The following MPPED2 variants were observed in gnomAD, a reference collection of about 807,000 sequenced individuals.
MPPED2 encodes the protein metallophosphoesterase domain containing 2.
A neutral mutation model predicts 33.0 loss-of-function variants in MPPED2; 5 were observed. The observed-to-expected ratio is 0.15, with a 90% confidence interval of 0.08 to 0.32. MPPED2 has a LOEUF of 0.32. Among genes scored for constraint, MPPED2 ranks in the 10% least tolerant of loss-of-function variants. The pLI, the probability that MPPED2 is intolerant of heterozygous loss-of-function variation, is 1.00. For missense variants in MPPED2, 275 were observed against 372.1 expected (o/e 0.74, Z 2.15); for synonymous variants, 136 against 141.9 (o/e 0.96, Z 0.29).
intron 3 of MPPED2, among the ~76,000 whole-genome samples, chr11:30,517,772 G>A (rs1011546396): frequency 6.6e-6 from 1 of 152,156 alleles, no homozygotes; most frequent in Non-Finnish European, 1.5e-5. Flanking sequence ...GAACTGCCAT[G>A]CCAAGCTTCT....
intron 4 of MPPED2, among the ~76,000 whole-genome samples, chr11:30,453,428 G>A (rs1239975170): frequency 6.6e-6 from 1 of 152,148 alleles, no homozygotes; most frequent in Non-Finnish European, 1.5e-5. Flanking sequence ...AATGAAGACG[G>A]AGACCACTTT....
At chr11:30,459,341 C>T (rs1195124003) in intron 4 of MPPED2, among the ~76,000 whole-genome samples, 2 of 152,178 alleles carry the variant, frequency 1.3e-5, no homozygotes, top group African/African-American at 4.8e-5. Flanking sequence ...AAATCCATTT[C>T]CTAAAGTGAG....
intron 4 of MPPED2, among the ~76,000 whole-genome samples, chr11:30,476,376 A>G (rs1030406937): frequency 6.6e-6 from 1 of 152,000 alleles, no homozygotes; most frequent in Non-Finnish European, 1.5e-5. Context: ...TAGAAGTTTT[A>G]TAGATTTCAT....
chr11:30,541,214 A>G (rs1189024434), intron 2 of MPPED2, among the ~76,000 whole-genome samples: 2 of 152,238 alleles, frequency 1.3e-5, no homozygotes, highest in Non-Finnish European at 2.9e-5. Context: ...ATCTCACTGC[A>G]TATTCAAACA....
chr11:30,395,230 C>T lies in MPPED2; in HGVS notation c.767-6274G>A, dbSNP rs911518226. Among the ~76,000 whole-genome samples the T allele has an allele frequency of 2.6e-5, 4 of 152,118 alleles. No individual in the cohort carries two copies. In the East Asian group the frequency reaches 5.8e-4, roughly 22 times the overall value. On this transcript the variant is annotated intron_variant, in intron 6 of 6. Transcript: ENST00000448418. ...GAGAAAAATGGGCTTTTATTGAGTA[C>T]TATGTGATAGCTAATGGACCATGGG...
chr11:30,460,056 A>G (rs899313102), intron 4 of MPPED2, among the ~76,000 whole-genome samples: 1 of 152,162 alleles, frequency 6.6e-6, no homozygotes, highest in African/African-American at 2.4e-5. Flanking sequence ...CACACGGGGC[A>G]TTTTGTACTT....
intron 4 of MPPED2, among the ~76,000 whole-genome samples, chr11:30,458,957 G>A (rs1175498880): frequency 1.8e-5 from 2 of 109,554 alleles, no homozygotes; most frequent in African/African-American, 7.2e-5. Context: ...ACGGAGTCTC[G>A]CTCTGTCGCC....
intron 6 of MPPED2, 80 bp downstream of exon 6, chr11:30,414,148 T>C (rs926034465): frequency 1.0e-6 from 1 of 963,282 alleles, no homozygotes; most frequent in Non-Finnish European, 1.7e-6. Context: ...TGAAAACAAC[T>C]ACTCCACTTA....
intron 2 of MPPED2, among the ~76,000 whole-genome samples, chr11:30,546,984 C>T (rs1361911586): frequency 6.6e-6 from 1 of 152,198 alleles, no homozygotes; most frequent in Non-Finnish European, 1.5e-5. Flanking sequence ...AACCAAAGAA[C>T]TCATGAAAGA....
intron 3 of MPPED2, among the ~76,000 whole-genome samples, chr11:30,512,894 G>A (rs1336513): frequency 0.023 from 3,570 of 152,120 alleles, 71 homozygotes; most frequent in Admixed American, 0.057. Flanking sequence ...GCAGCTACTC[G>A]GGAGGCTGAG....
intron 3 of MPPED2, among the ~76,000 whole-genome samples, chr11:30,532,117 A>G (rs1954559338): frequency 6.6e-6 from 1 of 152,236 alleles, no homozygotes; most frequent in African/African-American, 2.4e-5. Flanking sequence ...GAAATGACAC[A>G]TGTAATGCAG....
chr11:30,425,693 AGGTACCAG>A (rs1241498056), intron 4 of MPPED2: 1 of 152,214 alleles, frequency 6.6e-6, no homozygotes, highest in East Asian at 1.9e-4. Context: ...TCAAAGGACA[AGGTACCAG>A]GGTGCCTTCA....
At chr11:30,407,391 A>G (rs1178614280), downstream of MPPED2, among the ~76,000 whole-genome samples, 1 of 152,220 alleles carries the variant, frequency 6.6e-6, no homozygotes, top group African/African-American at 2.4e-5. Context: ...TGGAGATTAG[A>G]AGTGATTTTG....
chr11:30,427,898 T>C (rs531168877), intron 4 of MPPED2, among the ~76,000 whole-genome samples: 7 of 152,308 alleles, frequency 4.6e-5, no homozygotes, highest in Admixed American at 2.0e-4. Context: ...TGTAAAACTC[T>C]CCAGATGGCT....
intron 3 of MPPED2, among the ~76,000 whole-genome samples, chr11:30,512,614 T>A (rs757954621): frequency 7.2e-5 from 11 of 152,192 alleles, no homozygotes; most frequent in Non-Finnish European, 1.6e-4. Context: ...ACCGGGATTG[T>A]ACAAACCCTT....
chr11:30,564,171 A>G (rs2134744206), intron 2 of MPPED2, among the ~76,000 whole-genome samples: 1 of 152,216 alleles, frequency 6.6e-6, no homozygotes. Context: ...AGCATTTTGT[A>G]TTTTTAGTGG....
rs188487937 is a variant in MPPED2 at position 30,562,667 on chromosome 11, G to T, written c.128+17579C>A. On this transcript the variant is annotated intron_variant, in intron 2 of 6. Coordinates refer to ENST00000358117, the MANE Select transcript of MPPED2 (RefSeq NM_001584.3). ...CCTTAGGCACCTACAGCTTATTAAGGGTCATAAAGAGTCACATTCTGTACT... is the reference window on the plus strand; with the variant it reads ...CCTTAGGCACCTACAGCTTATTAAGTGTCATAAAGAGTCACATTCTGTACT... Among the ~76,000 whole-genome samples, 3 of 151,530 alleles carry T rather than the reference G, an allele frequency of 2.0e-5. No individual in the cohort carries two copies. In the East Asian group the frequency reaches 5.8e-4, roughly 29 times the overall value.
intron 2 of MPPED2, among the ~76,000 whole-genome samples, chr11:30,574,428 A>G (rs1457165032): frequency 6.6e-6 from 1 of 152,200 alleles, no homozygotes; most frequent in Admixed American, 6.5e-5. Context: ...TTGTGTAAAT[A>G]TACTCTATGA....
At chr11:30,512,812 T>A (rs1953296349) in intron 3 of MPPED2, among the ~76,000 whole-genome samples, 1 of 152,076 alleles carries the variant, frequency 6.6e-6, no homozygotes, top group Non-Finnish European at 1.5e-5. Context: ...ACCAGCCTGG[T>A]CAATATGGTG....
Sources: allele counts gnomAD v4.1 joint callset (sites outside exome capture counted in the v4.1 genomes callset), GRCh38; gene constraint gnomAD v4.1.1; transcripts MANE v1.5; gene names NCBI Gene and HGNC (gene_info 2026-07-23, HGNC 2026-07-21).